ARID4A: variants seen among roughly 807,000 people sequenced by gnomAD.
The protein encoded by ARID4A is AT-rich interactive domain-containing protein 4A.
In ARID4A, 39 loss-of-function variants were observed where a neutral mutation model predicts 148.6. The ratio of observed to expected loss-of-function variants is 0.26; its 90% CI spans 0.20 to 0.34. ARID4A has a LOEUF of 0.34. Ranked by LOEUF, ARID4A falls within the 10% of genes least tolerant of loss-of-function variation. ARID4A has a pLI of 1.00. For missense variants in ARID4A, 1,265 were observed against 1,449.1 expected (o/e 0.87, Z 2.06); for synonymous variants, 475 against 481.2 (o/e 0.99, Z 0.17).
chr14:58,359,290 T>C, intron 18 of ARID4A, 74 bp downstream of exon 18: 3 of 1,418,244 alleles, frequency 2.1e-6, no homozygotes, highest in Non-Finnish European at 1.9e-6. Context: ...TTTTTAAGAC[T>C]TTAAGAACAG....
chr14:58,343,924 G>A (rs2034233474), intron 11 of ARID4A, among the ~76,000 whole-genome samples: 1 of 152,026 alleles, frequency 6.6e-6, no homozygotes, highest in South Asian at 2.1e-4. Flanking sequence ...AAACATATCA[G>A]TGTTTTGTTT....
intron 7 of ARID4A, among the ~76,000 whole-genome samples, chr14:58,319,521 C>CTTTTTTTTTTTTTTTTT (rs71107934): frequency 1.6e-5 from 1 of 62,096 alleles, no homozygotes; most frequent in African/African-American, 6.6e-5. Flanking sequence ...TCTATATACT[C>CTTTTTTTTTTTTTTTTT]TTTTTTTTTT....
chr14:58,299,201 C>G (rs935407301), intron 1 of ARID4A: 2 of 152,634 alleles, frequency 1.3e-5, no homozygotes, highest in Admixed American at 6.5e-5. Flanking sequence ...CCTCCGCCCC[C>G]CGCCCCCTCC....
intron 11 of ARID4A, among the ~76,000 whole-genome samples, chr14:58,332,643 A>G (rs941752): frequency 0.73 from 110,696 of 152,020 alleles, 40,640 homozygotes; most frequent in Middle Eastern, 0.86. Context: ...AATGACTATG[A>G]TGTAAAATGA....
intron 11 of ARID4A, among the ~76,000 whole-genome samples, chr14:58,344,491 T>A (rs2034261576): frequency 6.6e-6 from 1 of 152,172 alleles, no homozygotes; most frequent in South Asian, 2.1e-4. Flanking sequence ...AAAGTAGAGT[T>A]AGAGTGGTAA....
intron 5 of ARID4A, among the ~76,000 whole-genome samples, chr14:58,308,674 C>G (rs962192839): frequency 6.6e-6 from 1 of 152,118 alleles, no homozygotes; most frequent in Non-Finnish European, 1.5e-5. Context: ...AATGTAAAAC[C>G]TCTTGGGTCA....
At chr14:58,337,483 ATTG>A (rs1265466151) in intron 11 of ARID4A, among the ~76,000 whole-genome samples, 1 of 151,766 alleles carries the variant, frequency 6.6e-6, no homozygotes, top group Non-Finnish European at 1.5e-5. Context: ...GGATTATGCA[ATTG>A]TTGTAGTAAA....
Position 58,339,843 on chromosome 14 carries a change from GGAGA to G in ARID4A, c.907-4824_907-4821del, listed in dbSNP as rs35021584. 4.7e-3 allele frequency among the ~76,000 whole-genome samples: 666 copies of G among 141,610 alleles called. 3 individuals carry two copies. The highest frequency in any genetic ancestry group is 9.6e-3 in the African/African-American group (367 of 38,242). The allele number at this position is 141,610 out of a possible 152,430, so 92.9% of individuals were successfully genotyped here. A position where few individuals can be genotyped will look rare whatever the true frequency, so the allele number is the denominator to read the frequency against. On this transcript the variant is annotated intron_variant, in intron 11 of 23. Coordinates refer to ENST00000355431, the MANE Select transcript of ARID4A (RefSeq NM_002892.4). ...GCAAGCATATCTTCACGTGGCAACA[GGAGA>G]GAGAGAGAGAGAGAGAGAGAGAGAG...
rs752292659 is a variant in ARID4A at position 58,306,034 on chromosome 14, G to A, written c.196G>A (p.Val66Ile). ...TTTCACATTTTAGGTTGGAGCTATT[G>A]TTGAAACAAGGACATCTGATGGATC... The part of the protein sequence containing the change: ...VKGPLRVGAI[V>I]ETRTSDGSFQ... Residue 66 changes from valine to isoleucine, a missense_variant, in exon 5 of 24, where the codon GTT becomes ATT. Physicochemically the swap from Val to Ile is conservative, Grantham distance 29. Coordinates refer to ENST00000355431, the MANE Select transcript of ARID4A (RefSeq NM_002892.4). 3 of 1,613,510 alleles carry A rather than the reference G, an allele frequency of 1.9e-6. No individual in the cohort carries two copies. The East Asian group carries it at 6.7e-5, about 36-fold the overall frequency.
chr14:58,323,446 T>G, intron 7 of ARID4A, 39 bp from the exon 8 acceptor site: 2 of 1,584,886 alleles, frequency 1.3e-6, no homozygotes, highest in Admixed American at 3.4e-5. Flanking sequence ...CAAATAATTG[T>G]TTGTGTTAGG....
intron 5 of ARID4A, among the ~76,000 whole-genome samples, chr14:58,312,778 A>G (rs1256748472): frequency 2.0e-5 from 3 of 152,124 alleles, no homozygotes; most frequent in African/African-American, 7.2e-5. Flanking sequence ...TCATCAGTTA[A>G]CTTTCTGATT....
chr14:58,332,025 T>G (rs1291434129), intron 11 of ARID4A, among the ~76,000 whole-genome samples: 1 of 141,714 alleles, frequency 7.1e-6, no homozygotes, highest in East Asian at 2.4e-4. Context: ...CCCTGAAATT[T>G]TAAACAAAGA....
chr14:58,372,559 G>A lies in ARID4A; in HGVS notation c.*570G>A, dbSNP rs1370713708. ...GACAAAATAAATTGTGAAAGGAAGT[G>A]TAGTTGACTGAAAACTACAGTTGTA... On this transcript the variant is annotated 3_prime_UTR_variant, in exon 24 of 24. Transcript: ENST00000355431. 2 of 210,360 alleles carry A rather than the reference G, an allele frequency of 9.5e-6. No individual in the cohort carries two copies. Among genetic ancestry groups the A allele is most frequent in the Non-Finnish European group, 1.9e-5 (2 of 103,294 alleles). The allele number at this position is 210,360 out of a possible 1,614,324, so 13.0% of individuals were successfully genotyped here. A position where few individuals can be genotyped will look rare whatever the true frequency, so the allele number is the denominator to read the frequency against.
chr14:58,329,592 T>C lies in ARID4A; in HGVS notation c.727T>C (p.Ser243Pro). The C allele has an allele frequency of 6.2e-7, 1 of 1,602,410 alleles. No individual in the cohort carries two copies. The highest frequency in any genetic ancestry group is 8.6e-7 in the Non-Finnish European group (1 of 1,169,572). The change falls in exon 10 of 24, where the codon TCC becomes CCC. Residue 243 changes from serine (S) to proline (P), a missense_variant. By Grantham distance (74) the Ser-to-Pro change is moderately conservative (BLOSUM62 -1). Coordinates refer to ENST00000355431, the MANE Select transcript of ARID4A (RefSeq NM_002892.4). ...TCTCAATCTACCGGAATCTGAGCTC[T>C]CCACTAAACCAGGTAAAATAAAGAT... ...DILNLPESEL[S>P]TKPGLQKASI...
At chr14:58,337,244 ATT>A (rs1491285292) in intron 11 of ARID4A, among the ~76,000 whole-genome samples, 13 of 118,262 alleles carry the variant, frequency 1.1e-4, no homozygotes, top group African/African-American at 2.8e-4. Context: ...CCTTCTCTTT[ATT>A]TATATATATA....
chr14:58,321,468 G>C (rs558479660), intron 7 of ARID4A, among the ~76,000 whole-genome samples: 5 of 152,022 alleles, frequency 3.3e-5, no homozygotes, highest in Non-Finnish European at 7.4e-5. Context: ...TTTTGATATG[G>C]CCTCACCATT....
intron 8 of ARID4A, among the ~76,000 whole-genome samples, chr14:58,325,093 A>G (rs1040592579): frequency 5.3e-5 from 8 of 152,330 alleles, no homozygotes; most frequent in African/African-American, 1.7e-4. Context: ...CAGAGAAGGA[A>G]TAAGAAGAAG....
At position 58,357,231 on chromosome 14, in the gene ARID4A, C is replaced by G. The variant is rs575862887; in HGVS notation, c.1854-1901C>G. ...GTGTTCTGAGCATGTTTAAGGTAGG[C>G]TAAGCTAAGCTGTGATGTTCAGTAG... is the stretch of plus-strand genomic sequence containing the variant. On this transcript the variant is annotated intron_variant, in intron 17 of 23. Transcript: ENST00000355431. Among the ~76,000 whole-genome samples the G allele has an allele frequency of 2.6e-5, 4 of 152,242 alleles. No individual in the cohort carries two copies. In the South Asian group the frequency reaches 8.3e-4, roughly 32 times the overall value.
chr14:58,334,642 C>T (rs1451752274), intron 11 of ARID4A, among the ~76,000 whole-genome samples: 1 of 152,136 alleles, frequency 6.6e-6, no homozygotes, highest in Non-Finnish European at 1.5e-5. Context: ...CAGATGCGAG[C>T]ATGCTGTAAA....
Sources: gnomAD v4.1 joint callset for allele counts (sites outside exome capture counted in the v4.1 genomes callset) on GRCh38, gnomAD v4.1.1 for gene constraint, MANE v1.5 for transcripts, NCBI Gene and HGNC (gene_info 2026-07-23, HGNC 2026-07-21) for gene names.